The following GDPD5 variants were observed in gnomAD, a reference collection of about 807,000 sequenced individuals.
GDPD5 encodes the protein glycerophosphodiester phosphodiesterase 2.
A neutral mutation model predicts 75.1 loss-of-function variants in GDPD5; 48 were observed. That is an observed-to-expected ratio of 0.64 (90% CI 0.51 to 0.81). GDPD5 has a LOEUF of 0.81. Among genes scored for constraint, GDPD5 ranks in the 40% least tolerant of loss-of-function variants. The pLI is 0.00. For missense variants in GDPD5, 706 were observed against 822.6 expected (o/e 0.86, Z 1.73); for synonymous variants, 336 against 339.0 (o/e 0.99, Z 0.10).
intron 1 of GDPD5, among the ~76,000 whole-genome samples, chr11:75,491,923 C>A (rs1229052643): frequency 6.6e-6 from 1 of 152,144 alleles, no homozygotes; most frequent in African/African-American, 2.4e-5. Flanking sequence ...CCCCATTAGA[C>A]AGACATGGAT....
Position 75,449,929 on chromosome 11 carries a change from G to A in GDPD5, c.430C>T (p.Gln144Ter). 6.2e-7 allele frequency: 1 copy of A among 1,613,820 alleles called. No homozygotes were observed. The highest frequency in any genetic ancestry group is 8.5e-7 in the Non-Finnish European group (1 of 1,180,040). ...ACCTCCCACTCGTCCTCCCACAGCT[G>A]GGCCACGGCCGACATGGCCACCACC... is the stretch of plus-strand genomic sequence containing the variant. ...STVVAMSAVA[Q>*]LWEDEWEVLL... The change falls in exon 7 of 17, where the codon CAG becomes TAG. Residue 144 changes from glutamine to a stop codon, truncating the protein, a stop_gained. Coordinates refer to ENST00000336898, the MANE Select transcript of GDPD5 (RefSeq NM_030792.8). LOFTEE classifies it high-confidence loss of function.
chr11:75,440,308 G>A (rs1020862605), intron 14 of GDPD5, among the ~76,000 whole-genome samples: 23 of 152,220 alleles, frequency 1.5e-4, no homozygotes, highest in East Asian at 3.9e-4. Flanking sequence ...GCCGCCCCCC[G>A]CTGCCGACTC....
rs373211074 is a variant in GDPD5, at chr11:75,513,314, A to G, written c.-145+11896T>C. 1.7e-3 allele frequency among the ~76,000 whole-genome samples: 265 copies of G among 152,300 alleles called. 1 individual carries two copies. Among genetic ancestry groups the G allele is most frequent in the Middle Eastern group, 6.8e-3 (2 of 294 alleles). The stretch of plus-strand genomic sequence containing the variant: ...TTACAGATGTTCTCTTAAGGCACAC[A>G]GCCAGCAAGGCAGGTGTTGCTAACA... On this transcript the variant is annotated intron_variant, in intron 1 of 16. Coordinates refer to ENST00000336898, the MANE Select transcript of GDPD5 (RefSeq NM_030792.8).
chr11:75,442,936 T>A, intron 11 of GDPD5, 200 bp downstream of exon 11: 1 of 650,522 alleles, frequency 1.5e-6, no homozygotes, highest in Non-Finnish European at 2.7e-6. Context: ...GTGAGGGAAA[T>A]GGACCCAGAA....
intron 12 of GDPD5, among the ~76,000 whole-genome samples, chr11:75,442,063 A>G (rs1948831347): frequency 6.6e-6 from 1 of 152,256 alleles, no homozygotes; most frequent in Admixed American, 6.5e-5. Flanking sequence ...CATGGCCACT[A>G]GCACCTAGTG....
At chr11:75,484,843 TC>T (rs1388304289) in intron 2 of GDPD5, among the ~76,000 whole-genome samples, 1 of 152,240 alleles carries the variant, frequency 6.6e-6, no homozygotes, top group Non-Finnish European at 1.5e-5. Context: ...GTGTGGGCAC[TC>T]CAGGTCATTG....
chr11:75,481,539 ACACAGCTTGGCTC>A (rs1949919490), intron 2 of GDPD5, among the ~76,000 whole-genome samples: 1 of 151,980 alleles, frequency 6.6e-6, no homozygotes, highest in Non-Finnish European at 1.5e-5. Context: ...TGGGGTGGGG[ACACAGCTTGGCTC>A]CCATGGGGCT....
chr11:75,516,907 C>T (rs929109168), intron 1 of GDPD5, among the ~76,000 whole-genome samples: 1 of 152,194 alleles, frequency 6.6e-6, no homozygotes, highest in Non-Finnish European at 1.5e-5. Flanking sequence ...GACAGTGATA[C>T]CTGGACTTGA....
intron 1 of GDPD5, among the ~76,000 whole-genome samples, chr11:75,506,241 G>T (rs1020307578): frequency 1.3e-5 from 2 of 152,168 alleles, no homozygotes; most frequent in African/African-American, 2.4e-5. Flanking sequence ...CGCTTTGTTT[G>T]TTTGGGCTCT....
chr11:75,523,994 G>T (rs1631013), intron 1 of GDPD5, among the ~76,000 whole-genome samples: 1 of 152,116 alleles, frequency 6.6e-6, no homozygotes, highest in African/African-American at 2.4e-5. Flanking sequence ...TCCCCTCCCC[G>T]TCCCCACACA....
intron 6 of GDPD5, among the ~76,000 whole-genome samples, chr11:75,450,218 G>A (rs73494851): frequency 6.6e-6 from 1 of 152,254 alleles, no homozygotes; most frequent in Non-Finnish European, 1.5e-5. Context: ...CAGACCCAGC[G>A]AGGAAGGGAC....
At chr11:75,500,734 C>T (rs1212577125) in intron 1 of GDPD5, among the ~76,000 whole-genome samples, 2 of 152,176 alleles carry the variant, frequency 1.3e-5, no homozygotes, top group Admixed American at 6.5e-5. Context: ...TTCCTTTCCA[C>T]GCATTTCAAG....
At position 75,443,379 on chromosome 11, in the gene GDPD5, G is replaced by C. The variant is rs1948888709; in HGVS notation, c.798-93C>G. On this transcript the variant is annotated intron_variant, in intron 10 of 16. Transcript: ENST00000336898. The stretch of plus-strand genomic sequence containing the variant: ...CACCCCACACAGTCCTCCCCACCCA[G>C]CACAGGATCCCGGCTGGCTCTGCCC... 2.1e-6 allele frequency: 3 copies of C among 1,427,756 alleles called. No individual in the cohort carries two copies. The Admixed American group carries it at 6.0e-5, about 29-fold the overall frequency. The allele number at this position is 1,427,756 out of a possible 1,614,324, so 88.4% of individuals were successfully genotyped here. A position where few individuals can be genotyped will look rare whatever the true frequency, so the allele number is the denominator to read the frequency against.
chr11:75,442,421 C>T lies in GDPD5; in HGVS notation c.1109G>A (p.Ser370Asn). 1.2e-6 allele frequency: 2 copies of T among 1,605,648 alleles called. No individual in the cohort carries two copies. Among genetic ancestry groups the T allele is most frequent in the Admixed American group, 1.7e-5 (1 of 58,722 alleles). ...RDPPREHPYR[S>N]SFINVTLEAV... ...CTCCAGAGTCACGTTGATAAAACTG[C>T]TGCGGTAGGGGTGCTCCCGGGGCGG... Residue 370 changes from serine (S) to asparagine (N), a missense_variant, in exon 12 of 17, where the codon AGC becomes AAC. By Grantham distance (46) the Ser-to-Asn change is conservative. Transcript: ENST00000336898.
Position 75,439,965 on chromosome 11 carries a change from T to G in GDPD5, c.1474-4A>C. The G allele has an allele frequency of 1.2e-6, 2 of 1,610,810 alleles. No homozygotes were observed. Among genetic ancestry groups the G allele is most frequent in the South Asian group, 2.2e-5 (2 of 90,844 alleles). ...TGAGACAGTACTCGTCCGGGGGCTG[T>G]GGACAGACGGCCCGAGGCCAACTTC... is the stretch of plus-strand genomic sequence containing the variant. On this transcript the variant is annotated splice_region_variant and splice_polypyrimidine_tract_variant and intron_variant, in intron 14 of 16. Transcript: ENST00000336898.
chr11:75,517,999 T>G (rs1275525454), intron 1 of GDPD5, among the ~76,000 whole-genome samples: 1 of 152,152 alleles, frequency 6.6e-6, no homozygotes, highest in Non-Finnish European at 1.5e-5. Context: ...TTGTCTTATC[T>G]CTTAGAGAGA....
intron 3 of GDPD5, among the ~76,000 whole-genome samples, chr11:75,465,892 G>A (rs902860545): frequency 3.3e-5 from 5 of 152,222 alleles, no homozygotes; most frequent in Admixed American, 3.3e-4. Flanking sequence ...CTGGGAAGAC[G>A]ACCTGTGACC....
intron 6 of GDPD5, chr11:75,455,456 C>G (rs558162760): frequency 5.7e-5 from 25 of 439,600 alleles, no homozygotes; most frequent in Admixed American, 4.0e-4. Context: ...CTCCCAAGCT[C>G]CAGGCCCATG....
chr11:75,447,209 C>T (rs1949007251), intron 9 of GDPD5, among the ~76,000 whole-genome samples: 1 of 152,138 alleles, frequency 6.6e-6, no homozygotes, highest in African/African-American at 2.4e-5. Context: ...TCAAAAGGCA[C>T]TCAGGAGACA....
Sources: allele counts gnomAD v4.1 joint callset (sites outside exome capture counted in the v4.1 genomes callset), GRCh38; gene constraint gnomAD v4.1.1; transcripts MANE v1.5; gene names NCBI Gene and HGNC (gene_info 2026-07-23, HGNC 2026-07-21).